Variants in CHD1L observed in about 807,000 individuals in gnomAD.
CHD1L encodes chromodomain helicase DNA binding protein 1 like.
Under a neutral mutation model 115.9 loss-of-function variants are expected in CHD1L, and 118 were observed. The ratio of observed to expected loss-of-function variants is 1.02; its 90% CI spans 0.88 to 1.19. The LOEUF (loss-of-function observed/expected upper bound fraction) is 1.19, where lower values mean the gene tolerates loss of function less well. Ranked by LOEUF, CHD1L falls within the 50% of genes most tolerant of loss-of-function variation. The probability of loss-of-function intolerance (pLI) is 0.00; values close to 1 mark genes in which losing one functional copy is unlikely to be tolerated. For missense variants in CHD1L, 1,179 were observed against 1,065.3 expected, an observed-to-expected ratio of 1.11 and a Z score of -1.49; for synonymous variants, 411 against 387.1, an observed-to-expected ratio of 1.06 and a Z score of -0.72.
chr1:147,192,665 T>G, the CHD1L span, among the ~76,000 whole-genome samples: 16 of 152,290 alleles, frequency 1.1e-4, 1 homozygote, highest in African/African-American at 3.9e-4. Context: ...AGGTAGCTCT[T>G]ATTATTTTCA....
At chr1:147,187,261 C>A in the CHD1L span, 1 of 1,553,534 alleles carries the variant, frequency 6.4e-7, no homozygotes, top group South Asian at 1.2e-5. Flanking sequence ...GTAGAAAAGA[C>A]AGAAACCATG....
At chr1:147,178,920 T>C in the CHD1L span, 58 of 1,590,274 alleles carry the variant, frequency 3.6e-5, no homozygotes, top group Non-Finnish European at 3.3e-5. Flanking sequence ...ATGTGGACTA[T>C]GAAAAGAATG....
At chr1:147,178,602 A>T in the CHD1L span, 6 of 1,601,642 alleles carry the variant, frequency 3.7e-6, no homozygotes, top group Non-Finnish European at 5.1e-6. Context: ...TCGATGATTC[A>T]TTCAGTGAAG....
the CHD1L span, among the ~76,000 whole-genome samples, chr1:147,227,972 G>A: frequency 6.6e-6 from 1 of 150,672 alleles, no homozygotes; most frequent in Non-Finnish European, 1.5e-5. Flanking sequence ...AGTGCAAGTG[G>A]TGCGATCTTG....
At chr1:147,241,864 AATTACC>A (rs1206617480), upstream of CHD1L, among the ~76,000 whole-genome samples, 9 of 152,214 alleles carry the variant, frequency 5.9e-5, no homozygotes, top group East Asian at 3.8e-4. Flanking sequence ...CAGTACTGCC[AATTACC>A]ATTACAAGTC....
intron 5 of CHD1L, among the ~76,000 whole-genome samples, chr1:147,258,616 C>T (rs193253864): frequency 2.0e-5 from 3 of 152,298 alleles, no homozygotes; most frequent in Admixed American, 1.3e-4. Context: ...CCTCTACTCG[C>T]TTCTCTCAGT....
intron 6 of CHD1L, chr1:147,261,023 C>G (rs1302422409): frequency 6.6e-6 from 1 of 152,180 alleles, no homozygotes; most frequent in African/African-American, 2.4e-5. Context: ...GGAGGAAAGT[C>G]TTAGATATGA....
At chr1:147,250,665 G>T (rs1668130556) in intron 1 of CHD1L, among the ~76,000 whole-genome samples, 1 of 152,218 alleles carries the variant, frequency 6.6e-6, no homozygotes, top group African/African-American at 2.4e-5. Flanking sequence ...GCTGTAGGTA[G>T]AAGTCTATGC....
chr1:147,285,384 G>C lies in CHD1L; in HGVS notation c.1915G>C (p.Glu639Gln). 6.2e-7 allele frequency: 1 copy of C among 1,614,044 alleles called. No individual in the cohort carries two copies. The highest frequency in any genetic ancestry group is 8.5e-7 in the Non-Finnish European group (1 of 1,179,956). The change falls in exon 17 of 23, where the codon GAG becomes CAG. Residue 639 changes from glutamate to glutamine, a missense_variant. Physicochemically the swap from Glu to Gln is conservative, Grantham distance 29 (BLOSUM62 2). Coordinates refer to ENST00000369258, the MANE Select transcript of CHD1L (RefSeq NM_004284.6). The part of the protein sequence containing the change: ...TKRKRVLSPE[E>Q]LEDRQKKRQE... ...AAGGAAGCGGGTTCTGAGTCCAGAA[G>C]AGCTGGAGGACAGACAGAAGAAAAG...
Position 147,284,474 on chromosome 1 carries a change from G to T in CHD1L, c.1829G>T (p.Gly610Val). ...KTLLEKASQE[G>V]RSLRNKGSVL... ...CTTTTGGAGAAAGCTAGTCAAGAGGGCCGATCACTCCGAAATAAAGGCAGT... is the reference window on the plus strand; with the variant it reads ...CTTTTGGAGAAAGCTAGTCAAGAGGTCCGATCACTCCGAAATAAAGGCAGT... The change falls in exon 16 of 23, where the codon GGC becomes GTC. Residue 610 changes from glycine to valine, a missense_variant. Transcript: ENST00000369258. 6.2e-7 allele frequency: 1 copy of T among 1,604,596 alleles called. No individual in the cohort carries two copies. Among genetic ancestry groups the T allele is most frequent in the Non-Finnish European group, 8.5e-7 (1 of 1,177,266 alleles).
the CHD1L span, among the ~76,000 whole-genome samples, chr1:147,182,262 T>C: frequency 6.6e-6 from 1 of 152,206 alleles, no homozygotes; most frequent in Admixed American, 6.5e-5. Context: ...GTGGAACTTT[T>C]GTAAAGTCTC....
rs782323114 is a variant in CHD1L at position 147,284,500 on chromosome 1, G to GT, written c.1854+2dup. The GT allele has an allele frequency of 5.0e-5, 78 of 1,570,006 alleles. No individual in the cohort carries two copies. Among genetic ancestry groups the GT allele is most frequent in the Non-Finnish European group, 6.3e-5 (74 of 1,166,280 alleles). On this transcript the variant is annotated splice_donor_variant, in intron 16 of 22. Transcript: ENST00000369258. LOFTEE classifies it high-confidence loss of function. ...CCGATCACTCCGAAATAAAGGCAGT[G>GT]TAAGAACTGTTAATTTATTTAAAAG...
At chr1:147,264,712 C>T in intron 7 of CHD1L, 128 bp downstream of exon 7, 4 of 889,604 alleles carry the variant, frequency 4.5e-6, no homozygotes, top group Admixed American at 2.6e-5. Context: ...AGACAGACCG[C>T]TGATATTAGG....
Position 147,268,439 on chromosome 1 carries a change from G to C in CHD1L, c.989-343G>C, listed in dbSNP as rs782411258. 5.3e-5 allele frequency among the ~76,000 whole-genome samples: 8 copies of C among 152,082 alleles called. No homozygotes were observed. The South Asian group carries it at 1.7e-3, about 32-fold the overall frequency. On this transcript the variant is annotated intron_variant, in intron 9 of 22. Transcript: ENST00000369258. Reference sequence around the variant, plus strand: ...ATATGAGAACTTTTTTTAAGAGGAGGGGGTGTTGGGAACACATAGGTTTTG... The same window carrying C: ...ATATGAGAACTTTTTTTAAGAGGAGCGGGTGTTGGGAACACATAGGTTTTG...
the CHD1L span, among the ~76,000 whole-genome samples, chr1:147,190,817 A>G: frequency 6.6e-6 from 1 of 151,922 alleles, no homozygotes; most frequent in Non-Finnish European, 1.5e-5. Flanking sequence ...ATATCTCGTA[A>G]TGCTATCCCT....
the CHD1L span, chr1:147,225,831 C>A: frequency 6.6e-6 from 1 of 152,168 alleles, no homozygotes; most frequent in Non-Finnish European, 1.5e-5. Context: ...CGGCCGGGAG[C>A]GTCGGCAGAC....
the CHD1L span, chr1:147,215,554 CA>C: frequency 4.0e-6 from 2 of 500,122 alleles, no homozygotes; most frequent in African/African-American, 4.0e-5. Context: ...TATCTGCAGC[CA>C]AAATATATGA....
chr1:147,286,900 C>T (rs148975538), intron 18 of CHD1L, among the ~76,000 whole-genome samples: 1 of 152,258 alleles, frequency 6.6e-6, no homozygotes, highest in East Asian at 1.9e-4. Context: ...TCCCAAATAA[C>T]CACATCAAGT....
the CHD1L span, chr1:147,187,192 T>C: frequency 6.2e-7 from 1 of 1,614,090 alleles, no homozygotes; most frequent in Non-Finnish European, 8.5e-7. Context: ...AGCAAGCTCT[T>C]CCATGGTATC....
Sources: allele counts gnomAD v4.1 joint callset (sites outside exome capture counted in the v4.1 genomes callset), GRCh38; gene constraint gnomAD v4.1.1; transcripts MANE v1.5; gene names NCBI Gene and HGNC (gene_info 2026-07-23, HGNC 2026-07-21).